Variants in CLTCL1 observed in about 807,000 individuals in gnomAD.
CLTCL1 encodes the protein clathrin heavy chain like 1, also known as clathrin heavy chain 2.
CLTCL1 carries 159 observed loss-of-function variants against 190.0 expected under a neutral mutation model. The ratio of observed to expected loss-of-function variants is 0.84; its 90% CI spans 0.74 to 0.95. The LOEUF is 0.95. Among genes scored for constraint, CLTCL1 ranks in the 40% least tolerant of loss-of-function variants. The pLI is 0.00. For synonymous variants in CLTCL1, 752 were observed against 769.6 expected (o/e 0.98, Z 0.38); for missense variants, 1,878 against 2,033.4 (o/e 0.92, Z 1.47).
chr22:19,229,331 C>T (rs1293454848), intron 11 of CLTCL1, among the ~76,000 whole-genome samples: 3 of 152,002 alleles, frequency 2.0e-5, no homozygotes, highest in Non-Finnish European at 2.9e-5. Context: ...TGAAAAAAGC[C>T]AGGTAAAAGG....
At chr22:19,183,222 C>T (rs1265259318) in intron 30 of CLTCL1, 168 bp downstream of exon 30, 1 of 615,742 alleles carries the variant, frequency 1.6e-6, no homozygotes, top group African/African-American at 1.8e-5. Context: ...GGGCAGAAAA[C>T]CACTTCAGCA....
chr22:19,215,743 A>G (rs897156167), intron 19 of CLTCL1, among the ~76,000 whole-genome samples: 2 of 152,158 alleles, frequency 1.3e-5, no homozygotes, highest in Admixed American at 6.5e-5. Context: ...TTCTCCTGCC[A>G]CCTTTCTCCA....
chr22:19,275,498 G>C, intron 2 of CLTCL1, 125 bp downstream of exon 2: 1 of 1,025,780 alleles, frequency 9.7e-7, no homozygotes, highest in African/African-American at 1.6e-5. Flanking sequence ...TAAAACTTTT[G>C]GAATTAAGTG....
intron 30 of CLTCL1, chr22:19,183,065 A>G (rs2084193530): frequency 3.1e-6 from 1 of 319,952 alleles, no homozygotes; most frequent in African/African-American, 2.1e-5. Flanking sequence ...CCTCACTGTC[A>G]CCTTGTTGAA....
intron 3 of CLTCL1, among the ~76,000 whole-genome samples, chr22:19,251,077 C>T (rs2086576456): frequency 1.3e-5 from 2 of 152,058 alleles, no homozygotes; most frequent in South Asian, 4.1e-4. Context: ...TACTTCCATC[C>T]TAAAAGTATT....
intron 19 of CLTCL1, among the ~76,000 whole-genome samples, chr22:19,211,164 C>T (rs1489437375): frequency 6.6e-6 from 1 of 152,104 alleles, no homozygotes; most frequent in African/African-American, 2.4e-5. Flanking sequence ...AAAAGAAATA[C>T]TACATCTTTA....
At chr22:19,222,841 G>A in intron 14 of CLTCL1, 32 bp from the exon 15 acceptor site, 1 of 1,577,638 alleles carries the variant, frequency 6.3e-7, no homozygotes, top group Non-Finnish European at 8.6e-7. Context: ...ACAAGTCAGG[G>A]AGTGGAGAAA....
intron 27 of CLTCL1, among the ~76,000 whole-genome samples, chr22:19,190,888 C>G (rs1369984028): frequency 1.3e-5 from 2 of 152,040 alleles, no homozygotes; most frequent in African/African-American, 4.8e-5. Flanking sequence ...CGCCATTCTC[C>G]TGCCTCAGCC....
chr22:19,235,967 G>GT, intron 5 of CLTCL1, 98 bp from the exon 6 acceptor site: 1 of 1,174,972 alleles, frequency 8.5e-7, no homozygotes, highest in Middle Eastern at 2.5e-4. Flanking sequence ...TTGTTTGTTT[G>GT]TTTGTTTTTT....
At chr22:19,184,527 C>T (rs2084248751) in intron 29 of CLTCL1, 4 of 455,958 alleles carry the variant, frequency 8.8e-6, no homozygotes, top group Non-Finnish European at 1.8e-5. Context: ...CCTCCTGACC[C>T]ACACTGTTCC....
chr22:19,279,206 G>A (rs1555985058), intron 1 of CLTCL1, among the ~76,000 whole-genome samples: 1 of 152,104 alleles, frequency 6.6e-6, no homozygotes, highest in African/African-American at 2.4e-5. Flanking sequence ...CACAATCTTG[G>A]TTCACTGCAA....
In CLTCL1 at chr22:19,216,095, C is replaced by T; in HGVS notation, c.3065+16G>A. The T allele has an allele frequency of 2.5e-6, 4 of 1,612,170 alleles. 1 individual carries two copies. In the South Asian group the frequency reaches 4.4e-5, roughly 18 times the overall value. On this transcript the variant is annotated intron_variant, in intron 19 of 32. Transcript: ENST00000427926. Reference sequence around the variant, plus strand: ...GAATCTGCCTGTGTCCACAGCTACCCCTGGCATAGCCTCACCTGTGCTCGC... The same window carrying T: ...GAATCTGCCTGTGTCCACAGCTACCTCTGGCATAGCCTCACCTGTGCTCGC...
At position 19,275,720 on chromosome 22, in the gene CLTCL1, C is replaced by A. The variant is rs782237797; in HGVS notation, c.153G>T (p.Thr51=). 6.2e-7 allele frequency: 1 copy of A among 1,607,496 alleles called. No individual in the cohort carries two copies. Among genetic ancestry groups the A allele is most frequent in the African/African-American group, 1.3e-5 (1 of 74,956 alleles). The change falls in exon 2 of 33, where the codon ACG becomes ACT. Residue 51 remains threonine, a synonymous_variant. Transcript: ENST00000427926. The part of the protein sequence containing the change: ...REKVGEQAQV[T]IIDMSDPMAP... ...CCATTGGGTCACTCATGTCAATGAT[C>A]GTGACCTGTGCCTGCTCACCAACTT...
intron 3 of CLTCL1, among the ~76,000 whole-genome samples, chr22:19,243,157 T>C (rs782361136): frequency 2.1e-4 from 32 of 152,144 alleles, no homozygotes; most frequent in Non-Finnish European, 4.3e-4. Flanking sequence ...AAAAGTAAGA[T>C]GGACAAACCT....
chr22:19,249,539 A>G (rs2086524159), intron 3 of CLTCL1, among the ~76,000 whole-genome samples: 1 of 151,368 alleles, frequency 6.6e-6, no homozygotes, highest in Admixed American at 6.6e-5. Flanking sequence ...CTAAAAACAC[A>G]AAAAAAATTA....
At chr22:19,240,480 G>A (rs1555964831) in intron 4 of CLTCL1, among the ~76,000 whole-genome samples, 4 of 152,086 alleles carry the variant, frequency 2.6e-5, no homozygotes, top group African/African-American at 7.2e-5. Flanking sequence ...GAGGGGAGCA[G>A]CACTGAGAGC....
In CLTCL1 at chr22:19,278,072, G is replaced by A. The variant is rs1420697079; in HGVS notation, c.43-2242C>T. ...CCGCCAGATGGAAGAGGCGCATAGA[G>A]AAAGGCGCGAGGGGTGTCCTTGCCT... On this transcript the variant is annotated intron_variant, in intron 1 of 32. Coordinates refer to ENST00000427926, the MANE Select transcript of CLTCL1 (RefSeq NM_007098.4). Among the ~76,000 whole-genome samples, 4 of 152,306 alleles carry A rather than the reference G, an allele frequency of 2.6e-5. 1 individual carries two copies. The highest frequency in any genetic ancestry group is 4.1e-4 in the South Asian group (2 of 4,824).
chr22:19,249,886 C>T (rs547553338), intron 3 of CLTCL1: 52 of 429,322 alleles, frequency 1.2e-4, no homozygotes, highest in Admixed American at 2.8e-4. Flanking sequence ...AGGTACCATG[C>T]AAAAGCAATC....
intron 23 of CLTCL1, among the ~76,000 whole-genome samples, chr22:19,200,820 C>T (rs1335060983): frequency 1.3e-5 from 2 of 152,104 alleles, no homozygotes; most frequent in Admixed American, 1.3e-4. Context: ...CCAGCCTGGG[C>T]GACAGAGCTA....
Sources: allele counts gnomAD v4.1 joint callset (sites outside exome capture counted in the v4.1 genomes callset), GRCh38; gene constraint gnomAD v4.1.1; transcripts MANE v1.5; gene names NCBI Gene and HGNC (gene_info 2026-07-23, HGNC 2026-07-21).